The following ERBIN variants were observed in gnomAD, a reference collection of about 807,000 sequenced individuals.
The protein encoded by ERBIN is densin-180-like protein.
ERBIN carries 60 observed loss-of-function variants against 158.4 expected under a neutral mutation model. The observed-to-expected ratio is 0.38, with a 90% confidence interval of 0.31 to 0.47. The LOEUF (loss-of-function observed/expected upper bound fraction) is 0.47, where lower values mean the gene tolerates loss of function less well. Ranked by LOEUF, ERBIN falls within the 20% of genes least tolerant of loss-of-function variation. The probability of loss-of-function intolerance (pLI) is 0.99; values close to 1 mark genes in which losing one functional copy is unlikely to be tolerated. For missense variants in ERBIN, 1,610 were observed against 1,648.0 expected (o/e 0.98, Z 0.40); for synonymous variants, 594 against 557.2 (o/e 1.07, Z -0.93).
At chr5:66,042,753 T>C (rs531124530) in intron 15 of ERBIN, among the ~76,000 whole-genome samples, 2 of 152,252 alleles carry the variant, frequency 1.3e-5, no homozygotes, top group South Asian at 4.1e-4. Context: ...ATTTCTACCA[T>C]AGCACCTTTT....
Position 65,976,381 on chromosome 5 carries a change from GATA to G in ERBIN, c.-57-12251_-57-12249del, listed in dbSNP as rs1348362637. Among the ~76,000 whole-genome samples the G allele has an allele frequency of 5.3e-5, 8 of 152,290 alleles. No homozygotes were observed. In the East Asian group the frequency reaches 1.5e-3, roughly 29 times the overall value. On this transcript the variant is annotated intron_variant, in intron 1 of 25. Transcript: ENST00000284037. Reference sequence around the variant, plus strand: ...CCAGCTACTGTGGAGGCTGAAGCATGATAATTGCTTGAACCCGGGAGGCAGAGG... The same window carrying G: ...CCAGCTACTGTGGAGGCTGAAGCATGATTGCTTGAACCCGGGAGGCAGAGG...
intron 1 of ERBIN, among the ~76,000 whole-genome samples, chr5:65,985,117 G>A (rs557720661): frequency 2.0e-5 from 3 of 152,294 alleles, no homozygotes; most frequent in African/African-American, 7.2e-5. Flanking sequence ...GGCTTGAGAC[G>A]GAGTCTCGGT....
At chr5:66,033,401 T>A (rs559330889) in intron 14 of ERBIN, among the ~76,000 whole-genome samples, 1 of 152,276 alleles carries the variant, frequency 6.6e-6, no homozygotes, top group Non-Finnish European at 1.5e-5. Flanking sequence ...GGCAGTAGAC[T>A]AAGAGGCTTA....
intron 1 of ERBIN, among the ~76,000 whole-genome samples, chr5:65,944,555 C>T (rs1177027467): frequency 3.3e-5 from 5 of 152,126 alleles, no homozygotes; most frequent in African/African-American, 1.2e-4. Context: ...TAGGCATGTG[C>T]CACCCTACCT....
chr5:66,003,353 G>A (rs1255909939), intron 4 of ERBIN, among the ~76,000 whole-genome samples: 6 of 150,662 alleles, frequency 4.0e-5, no homozygotes, highest in African/African-American at 1.5e-4. Context: ...GTCGCAGAAG[G>A]TGTAAAAAAA....
At chr5:65,990,784 G>A (rs1013053019) in intron 2 of ERBIN, among the ~76,000 whole-genome samples, 3 of 150,848 alleles carry the variant, frequency 2.0e-5, no homozygotes, top group Non-Finnish European at 4.4e-5. Context: ...TTTTTGAGAC[G>A]GAGTCTCGCT....
intron 13 of ERBIN, among the ~76,000 whole-genome samples, chr5:66,027,312 C>T (rs1580394220): frequency 6.6e-6 from 1 of 151,946 alleles, no homozygotes; most frequent in Admixed American, 6.6e-5. Context: ...TCTTAAGTCA[C>T]GTTTCAGCCT....
Position 66,010,329 on chromosome 5 carries a change from T to C in ERBIN, c.308-1720T>C, listed in dbSNP as rs145834750. Among the ~76,000 whole-genome samples, 385 of 152,016 alleles carry C rather than the reference T, an allele frequency of 2.5e-3. 3 individuals are homozygous for C. The highest frequency in any genetic ancestry group is 2.3e-3 in the Non-Finnish European group (155 of 68,022). Reference sequence around the variant, plus strand: ...AAAGTGATATGATATTGTTTTTGAGTACATCTCAGATTAGTTGCCACATGA... The same window carrying C: ...AAAGTGATATGATATTGTTTTTGAGCACATCTCAGATTAGTTGCCACATGA... On this transcript the variant is annotated intron_variant, in intron 4 of 25. Transcript: ENST00000284037.
chr5:65,999,429 T>C (rs1752797212), intron 4 of ERBIN, among the ~76,000 whole-genome samples: 2 of 152,194 alleles, frequency 1.3e-5, no homozygotes, highest in Non-Finnish European at 2.9e-5. Context: ...GGAGGCATCA[T>C]GTCTTCACTC....
At chr5:65,988,600 A>G (rs187566856) in intron 1 of ERBIN, 35 bp from the exon 2 acceptor site, 1 of 152,230 alleles carries the variant, frequency 6.6e-6, no homozygotes, top group African/African-American at 2.4e-5. Context: ...ATCCGTTTTT[A>G]TTGTTAATTT....
chr5:66,030,745 G>C (rs1330246953), intron 14 of ERBIN, among the ~76,000 whole-genome samples: 1 of 150,440 alleles, frequency 6.6e-6, no homozygotes, highest in Non-Finnish European at 1.5e-5. Context: ...TTTTTTTAAC[G>C]TTTTTAGTAG....
chr5:65,933,621 C>G (rs1435353807), intron 1 of ERBIN, among the ~76,000 whole-genome samples: 1 of 152,052 alleles, frequency 6.6e-6, no homozygotes, highest in African/African-American at 2.4e-5. Context: ...GAAAACTCAT[C>G]TTTTTTGGAG....
chr5:66,012,043 T>C lies in ERBIN; in HGVS notation c.308-6T>C. ...TCTTTTAATTTGATCGTTGTTTGTT[T>C]TCTAGGAATACAGGAGTTTCCAGAA... On this transcript the variant is annotated splice_polypyrimidine_tract_variant and splice_region_variant and intron_variant, in intron 4 of 25. Coordinates refer to ENST00000284037, the MANE Select transcript of ERBIN (RefSeq NM_001253697.2). The C allele has an allele frequency of 3.2e-6, 5 of 1,574,612 alleles. No individual in the cohort carries two copies. The highest frequency in any genetic ancestry group is 4.3e-6 in the Non-Finnish European group (5 of 1,151,346).
At chr5:66,026,075 A>C in intron 12 of ERBIN, 98 bp downstream of exon 12, 2 of 1,096,974 alleles carry the variant, frequency 1.8e-6, no homozygotes, top group Non-Finnish European at 2.5e-6. Context: ...TTTTCTTTCT[A>C]AAATAGTTTT....
At chr5:66,038,248 TGTATA>T in intron 14 of ERBIN, 130 bp from the exon 15 acceptor site, 1 of 484,256 alleles carries the variant, frequency 2.1e-6, no homozygotes, top group Admixed American at 3.9e-5. Flanking sequence ...AGTGTTATTG[TGTATA>T]GTTAGATTTG....
At chr5:65,932,865 C>A (rs180786074) in intron 1 of ERBIN, among the ~76,000 whole-genome samples, 1 of 152,090 alleles carries the variant, frequency 6.6e-6, no homozygotes, top group Non-Finnish European at 1.5e-5. Context: ...GGCATACTCA[C>A]GGCTCACTGC....
intron 1 of ERBIN, among the ~76,000 whole-genome samples, chr5:65,978,070 A>G (rs535645767): frequency 1.3e-5 from 2 of 152,322 alleles, no homozygotes; most frequent in East Asian, 3.9e-4. Flanking sequence ...GAATATACAT[A>G]TTTGTGATCT....
chr5:66,003,923 CT>C (rs35063438), intron 4 of ERBIN, among the ~76,000 whole-genome samples: 22,785 of 63,646 alleles, frequency 0.36, 2,566 homozygotes, highest in Non-Finnish European at 0.41. Flanking sequence ...GAGCAGCAGT[CT>C]TTTTTTTTTT....
At chr5:66,031,862 A>C (rs991951048) in intron 14 of ERBIN, among the ~76,000 whole-genome samples, 5 of 152,002 alleles carry the variant, frequency 3.3e-5, no homozygotes, top group African/African-American at 1.2e-4. Context: ...AAAAAGAGGA[A>C]TAGGATTTTT....
Sources: gnomAD v4.1 joint callset for allele counts (sites outside exome capture counted in the v4.1 genomes callset) on GRCh38, gnomAD v4.1.1 for gene constraint, MANE v1.5 for transcripts, NCBI Gene and HGNC (gene_info 2026-07-23, HGNC 2026-07-21) for gene names.